The following PSMD1 variants were observed in gnomAD, a reference collection of about 807,000 sequenced individuals.
PSMD1 encodes 26S proteasome non-ATPase regulatory subunit 1.
Under a neutral mutation model 119.0 loss-of-function variants are expected in PSMD1, and 18 were observed. The observed-to-expected ratio is 0.15, with a 90% confidence interval of 0.10 to 0.22. PSMD1 has a LOEUF of 0.22. Among genes scored for constraint, PSMD1 ranks in the 10% least tolerant of loss-of-function variants. The pLI is 1.00. For missense variants in PSMD1, 702 were observed against 1,158.5 expected (o/e 0.61, Z 5.72); for synonymous variants, 374 against 396.6 (o/e 0.94, Z 0.68).
At chr2:231,140,061 T>C (rs1696067619) in intron 17 of PSMD1, among the ~76,000 whole-genome samples, 1 of 152,206 alleles carries the variant, frequency 6.6e-6, no homozygotes, top group Non-Finnish European at 1.5e-5. Context: ...TTGCTCCCAG[T>C]GCCTTTGCAT....
chr2:231,158,121 A>C (rs1696555036), intron 19 of PSMD1, among the ~76,000 whole-genome samples: 1 of 151,730 alleles, frequency 6.6e-6, no homozygotes, highest in East Asian at 2.0e-4. Flanking sequence ...GACCAGCCTG[A>C]TCAGCATGGT....
At chr2:231,114,415 C>G (rs1289821090) in intron 16 of PSMD1, among the ~76,000 whole-genome samples, 1 of 152,208 alleles carries the variant, frequency 6.6e-6, no homozygotes, top group African/African-American at 2.4e-5. Context: ...CTAGCAATAA[C>G]TAGCAGCAAG....
chr2:231,129,212 C>T (rs559897950), intron 16 of PSMD1, among the ~76,000 whole-genome samples: 1 of 152,120 alleles, frequency 6.6e-6, no homozygotes, highest in Non-Finnish European at 1.5e-5. Context: ...AAAGAAATAT[C>T]AATACAGTTC....
intron 22 of PSMD1, 40 bp from the exon 23 acceptor site, chr2:231,165,831 A>G: frequency 6.8e-7 from 1 of 1,481,318 alleles, no homozygotes; most frequent in Non-Finnish European, 9.1e-7. Context: ...TGGAACAGAA[A>G]TGAACTTCTG....
intron 16 of PSMD1, among the ~76,000 whole-genome samples, chr2:231,094,043 G>A (rs1016865487): frequency 7.9e-5 from 12 of 152,172 alleles, no homozygotes; most frequent in Admixed American, 4.6e-4. Context: ...ATGGATACAT[G>A]TACATATCTT....
chr2:231,142,875 G>A (rs1446940472), intron 17 of PSMD1, among the ~76,000 whole-genome samples: 1 of 152,092 alleles, frequency 6.6e-6, no homozygotes, highest in Admixed American at 6.5e-5. Flanking sequence ...TATCTGCTGT[G>A]TGTATTATCT....
At chr2:231,093,005 A>G (rs1307583864) in intron 16 of PSMD1, among the ~76,000 whole-genome samples, 1 of 152,218 alleles carries the variant, frequency 6.6e-6, no homozygotes, top group East Asian at 1.9e-4. Flanking sequence ...AATGTGTGCC[A>G]TTAATGAGGG....
chr2:231,115,951 T>A (rs187904780), intron 16 of PSMD1, among the ~76,000 whole-genome samples: 9 of 152,206 alleles, frequency 5.9e-5, no homozygotes, highest in Admixed American at 2.0e-4. Flanking sequence ...TTGGAAGACT[T>A]TCTGGTAAGG....
rs537275786 is a variant in PSMD1, at chr2:231,167,963, C to G, written c.2715+1946C>G. ...GGTGCAGTGGTTCCCACTTACAGTC[C>G]CAGCTACATGGGAGGCCAAGGCAGG... On this transcript the variant is annotated intron_variant, in intron 23 of 24. Transcript: ENST00000308696. Among the ~76,000 whole-genome samples, 116 of 152,258 alleles carry G rather than the reference C, an allele frequency of 7.6e-4. 1 individual carries two copies. Among genetic ancestry groups the G allele is most frequent in the African/African-American group, 2.7e-3 (114 of 41,556 alleles).
intron 16 of PSMD1, chr2:231,109,056 G>A (rs200112720): frequency 4.0e-5 from 64 of 1,614,058 alleles, no homozygotes; most frequent in Admixed American, 1.8e-4. Flanking sequence ...GATGTTCTTC[G>A]CATAAGTGTT....
chr2:231,150,439 CAT>C (rs1049028898), intron 18 of PSMD1, among the ~76,000 whole-genome samples: 3 of 151,536 alleles, frequency 2.0e-5, no homozygotes, highest in East Asian at 1.9e-4. Context: ...CATATAGAGA[CAT>C]ATATATATGT....
chr2:231,125,259 C>T (rs776091484), intron 16 of PSMD1: 22 of 152,160 alleles, frequency 1.4e-4, no homozygotes, highest in Non-Finnish European at 2.1e-4. Context: ...TTTTTAAGAG[C>T]TCTCTTTAAT....
In PSMD1 at chr2:231,131,761, CAAAAAAAAAA is replaced by C. The variant is rs540366686; in HGVS notation, c.1884-6958_1884-6949del. Among the ~76,000 whole-genome samples the C allele has an allele frequency of 6.8e-4, 8 of 11,840 alleles. 2 individuals carry two copies. Among genetic ancestry groups the C allele is most frequent in the Admixed American group, 8.5e-4 (1 of 1,170 alleles). 7.8% of individuals were successfully genotyped at this position (11,840 alleles called of 152,430 possible). On this transcript the variant is annotated intron_variant, in intron 16 of 24. Coordinates refer to ENST00000308696, the MANE Select transcript of PSMD1 (RefSeq NM_002807.4). ...TGGGCGACAGAGCGAGACTCCGTCTCAAAAAAAAAAAAAAAAAAAAAAAAAAGAAAGTTTT... is the reference window on the plus strand; with the variant it reads ...TGGGCGACAGAGCGAGACTCCGTCTCAAAAAAAAAAAAAAAAGAAAGTTTT...
In PSMD1 at chr2:231,102,936, TAAGTTGCTA is replaced by T. The variant is rs1246322948; in HGVS notation, c.1883+15760_1883+15768del. On this transcript the variant is annotated intron_variant, in intron 16 of 24. Transcript: ENST00000308696. ...GCTTATTTGTTATGAAATTACACAG[TAAGTTGCTA>T]AAGTGCATGTTAGATGAGTCATACG... is the stretch of plus-strand genomic sequence containing the variant. Among the ~76,000 whole-genome samples, 16 of 152,360 alleles carry T rather than the reference TAAGTTGCTA, an allele frequency of 1.1e-4. 1 individual carries two copies. The East Asian group carries it at 2.7e-3, about 26-fold the overall frequency.
chr2:231,102,836 T>C (rs1198289528), intron 16 of PSMD1, among the ~76,000 whole-genome samples: 1 of 152,208 alleles, frequency 6.6e-6, no homozygotes, highest in African/African-American at 2.4e-5. Flanking sequence ...CTCACTGTTA[T>C]ATGGATACTG....
chr2:231,161,582 C>G, intron 20 of PSMD1, 73 bp downstream of exon 20: 2 of 1,394,700 alleles, frequency 1.4e-6, no homozygotes, highest in Non-Finnish European at 2.0e-6. Flanking sequence ...CGCCCACTTG[C>G]AAGGATTTCC....
intron 1 of PSMD1, 139 bp downstream of exon 1, chr2:231,057,180 G>T: frequency 1.8e-6 from 2 of 1,083,102 alleles, no homozygotes; most frequent in Non-Finnish European, 2.5e-6. Flanking sequence ...GCCCACCCCC[G>T]GGCCGGGGGG....
At chr2:231,162,599 G>A (rs111395541) in intron 20 of PSMD1, among the ~76,000 whole-genome samples, 3,375 of 152,254 alleles carry the variant, frequency 0.022, 137 homozygotes, top group African/African-American at 0.077. Context: ...ATGGGATGGA[G>A]AAGATAAGGT....
chr2:231,131,227 T>G lies in PSMD1; in HGVS notation c.1884-7509T>G, dbSNP rs187585223. 3.5e-3 allele frequency among the ~76,000 whole-genome samples: 533 copies of G among 152,030 alleles called. 1 individual carries two copies. Among genetic ancestry groups the G allele is most frequent in the African/African-American group, 0.012 (508 of 41,530 alleles). On this transcript the variant is annotated intron_variant, in intron 16 of 24. Transcript: ENST00000308696. The stretch of plus-strand genomic sequence containing the variant: ...TCTACAAGCTTGATCACATTCACAT[T>G]TTTTTTAGGGTGGTGGGGCTGGCGG...
Sources: allele counts gnomAD v4.1 joint callset (sites outside exome capture counted in the v4.1 genomes callset), GRCh38; gene constraint gnomAD v4.1.1; transcripts MANE v1.5; gene names NCBI Gene and HGNC (gene_info 2026-07-23, HGNC 2026-07-21).